Variants in SLC38A10 observed in about 807,000 individuals in gnomAD.
SLC38A10 encodes the protein solute carrier family 38 member 10.
SLC38A10 carries 53 observed loss-of-function variants against 81.0 expected under a neutral mutation model. The ratio of observed to expected loss-of-function variants is 0.65; its 90% confidence interval spans 0.53 to 0.82. The LOEUF (loss-of-function observed/expected upper bound fraction) is 0.82. Ranked by LOEUF, SLC38A10 falls within the 40% of genes least tolerant of loss-of-function variation. The pLI is 0.00. For missense variants in SLC38A10, 1,471 were observed against 1,545.0 expected (o/e 0.95, Z 0.80); for synonymous variants, 665 against 655.3 (o/e 1.01, Z -0.23).
intron 2 of SLC38A10, 26 bp from the exon 3 acceptor site, chr17:81,284,921 C>T: frequency 6.5e-7 from 1 of 1,540,728 alleles, no homozygotes; most frequent in Non-Finnish European, 8.8e-7. Flanking sequence ...AAGGAACACT[C>T]AATCCAACAG....
intron 14 of SLC38A10, chr17:81,247,533 T>A (rs2062863928): frequency 6.5e-6 from 1 of 153,052 alleles, no homozygotes; most frequent in African/African-American, 2.4e-5. Context: ...GACAAGCACG[T>A]AAGAAAATAA....
rs1162769498 is a variant in SLC38A10, at chr17:81,286,279, T to G, written c.218-1384A>C. Among the ~76,000 whole-genome samples, 1 of 152,168 alleles carries G rather than the reference T, an allele frequency of 6.6e-6. No homozygotes were observed. Among genetic ancestry groups the G allele is most frequent in the Non-Finnish European group, 1.5e-5 (1 of 68,014 alleles). Reference sequence around the variant, plus strand: ...GCATATTCCAAACACGAGCGCACCTTGCCCAAGAAGGTTCCGGAATATGCC... The same window carrying G: ...GCATATTCCAAACACGAGCGCACCTGGCCCAAGAAGGTTCCGGAATATGCC... On this transcript the variant is annotated intron_variant, in intron 2 of 15. Transcript: ENST00000374759. This position sits in a 1 kb window ranked among gnomAD's most constrained non-coding sequence, Gnocchi z 6.0.
At chr17:81,251,344 T>C in intron 14 of SLC38A10, 149 bp downstream of exon 14, 1 of 1,612,756 alleles carries the variant, frequency 6.2e-7, no homozygotes, top group East Asian at 2.2e-5. Flanking sequence ...AGCAGAAAGC[T>C]CTCCGAGGGG....
chr17:81,256,285 G>C (rs996269320), intron 11 of SLC38A10, among the ~76,000 whole-genome samples: 7 of 152,238 alleles, frequency 4.6e-5, no homozygotes, highest in African/African-American at 1.4e-4. Flanking sequence ...CATGCTCGGG[G>C]ACTTGGAGGT....
chr17:81,289,863 C>T lies in SLC38A10; in HGVS notation c.100-55G>A. On this transcript the variant is annotated intron_variant, in intron 1 of 15. Transcript: ENST00000374759. This position sits in a 1 kb window ranked among gnomAD's most constrained non-coding sequence, Gnocchi z 5.9. Reference sequence around the variant, plus strand: ...ACAGCAGCAGGTGCTCCCCAGAGGCCCTCACCCCACACACGCGGCTCATGA... The same window carrying T: ...ACAGCAGCAGGTGCTCCCCAGAGGCTCTCACCCCACACACGCGGCTCATGA... 9.8e-6 allele frequency: 14 copies of T among 1,426,682 alleles called. No homozygotes were observed. Among genetic ancestry groups the T allele is most frequent in the Non-Finnish European group, 1.3e-5 (14 of 1,055,364 alleles). The allele number at this position is 1,426,682 out of a possible 1,614,324, so 88.4% of individuals were successfully genotyped here.
rs1271125816 is a variant in SLC38A10 at position 81,245,550 on chromosome 17, C to G, written c.*6G>C. On this transcript the variant is annotated 3_prime_UTR_variant, in exon 16 of 16. Coordinates refer to ENST00000374759, the MANE Select transcript of SLC38A10 (RefSeq NM_001037984.3). ...TGGCTGGCGTGGCCCTCATGGCCAG[C>G]AGGTGCTAGGACTCCTCTGGAGGCC... 1.3e-6 allele frequency: 2 copies of G among 1,585,174 alleles called. No homozygotes were observed. Among genetic ancestry groups the G allele is most frequent in the African/African-American group, 2.7e-5 (2 of 74,262 alleles).
intron 8 of SLC38A10, among the ~76,000 whole-genome samples, chr17:81,274,137 G>A (rs150677405): frequency 1.3e-5 from 2 of 152,354 alleles, no homozygotes; most frequent in South Asian, 2.1e-4. Flanking sequence ...AGTTGGCCTG[G>A]CCAGATGCGC....
chr17:81,257,924 C>T (rs1330501042), intron 11 of SLC38A10, among the ~76,000 whole-genome samples: 3 of 152,236 alleles, frequency 2.0e-5, no homozygotes, highest in Non-Finnish European at 2.9e-5. Context: ...AAGAAAGGAA[C>T]AGATGTCACA....
intron 1 of SLC38A10, among the ~76,000 whole-genome samples, chr17:81,292,087 T>C (rs1386679430): frequency 6.6e-6 from 1 of 152,036 alleles, no homozygotes; most frequent in Non-Finnish European, 1.5e-5. Context: ...ATATAATCTA[T>C]ATAGATCTAT....
At chr17:81,294,720 A>C in intron 1 of SLC38A10, 103 bp downstream of exon 1, 1 of 1,072,620 alleles carries the variant, frequency 9.3e-7, no homozygotes, top group Non-Finnish European at 1.3e-6. Flanking sequence ...GCACCCGCCC[A>C]GCGAAGCCCT....
In SLC38A10 at chr17:81,245,782, G is replaced by C; in HGVS notation, c.3134C>G (p.Ala1045Gly). 6.3e-7 allele frequency: 1 copy of C among 1,599,890 alleles called. No homozygotes were observed. Among genetic ancestry groups the C allele is most frequent in the Non-Finnish European group, 8.5e-7 (1 of 1,169,988 alleles). Residue 1045 changes from alanine (A) to glycine (G), a missense_variant, in exon 16 of 16, where the codon GCT becomes GGT. By Grantham distance (60) the Ala-to-Gly change is moderately conservative. Around this residue, in one of 2 missense-constraint regions of SLC38A10, gnomAD observed 751 missense variants for 717.4 expected, o/e 1.05. Transcript: ENST00000374759. ...AKPNRDLKLQ[A>G]GSDLRRRRRD... Reference sequence around the variant, plus strand: ...CCGTCGCCTCCGGAGGTCGGAGCCAGCCTGCAGTTTCAGGTCCCGGTTGGG... The same window carrying C: ...CCGTCGCCTCCGGAGGTCGGAGCCACCCTGCAGTTTCAGGTCCCGGTTGGG...
In SLC38A10 at chr17:81,245,623, C is replaced by G. The variant is rs755571979; in HGVS notation, c.3293G>C (p.Gly1098Ala). 3 of 1,612,312 alleles carry G rather than the reference C, an allele frequency of 1.9e-6. No homozygotes were observed. The highest frequency in any genetic ancestry group is 2.2e-5 in the South Asian group (2 of 91,050). ...ALDAQLRQAA[G>A]GALQVVHSRQ... ...GCTGTGGACCACCTGCAGAGCTCCC[C>G]CCGCAGCCTGGCGGAGCTGGGCATC... Residue 1098 changes from glycine to alanine, a missense_variant, in exon 16 of 16, where the codon GGG becomes GCG. Around this residue, in one of 2 missense-constraint regions of SLC38A10, gnomAD observed 751 missense variants for 717.4 expected, o/e 1.05. Transcript: ENST00000374759.
intron 1 of SLC38A10, among the ~76,000 whole-genome samples, chr17:81,291,584 C>T (rs755189360): frequency 6.6e-6 from 1 of 152,070 alleles, no homozygotes; most frequent in African/African-American, 2.4e-5. Flanking sequence ...ACACGATACC[C>T]AATGCTACCG....
At position 81,253,476 on chromosome 17, in the gene SLC38A10, T is replaced by G. The variant is rs2062939289; in HGVS notation, c.1289-236A>C. Among the ~76,000 whole-genome samples, 1 of 152,032 alleles carries G rather than the reference T, an allele frequency of 6.6e-6. No homozygotes were observed. The highest frequency in any genetic ancestry group is 6.5e-5 in the Admixed American group (1 of 15,276). The stretch of plus-strand genomic sequence containing the variant: ...TAACTGGGGGCAGGGAGAACTAGAC[T>G]CCATGTAATACTCAGTCATTACCAC... On this transcript the variant is annotated intron_variant, in intron 11 of 15. Transcript: ENST00000374759. This position sits in a 1 kb window ranked among gnomAD's most constrained non-coding sequence, Gnocchi z 4.1.
rs146598954 is a variant in SLC38A10 at position 81,282,284 on chromosome 17, T to C, written c.406A>G (p.Ile136Val). 10,723 of 1,613,382 alleles carry C rather than the reference T, an allele frequency of 6.6e-3. 48 individuals are homozygous for C. The highest frequency in any genetic ancestry group is 7.3e-3 in the Non-Finnish European group (8,646 of 1,179,972). The stretch of plus-strand genomic sequence containing the variant: ...CGCTGCAGGCTGAGCGGGAGCACGA[T>C]GCACAGCGACACGGCGAACAGCAGG... The part of the protein sequence containing the change: ...MFLLFAVSLC[I>V]VLPLSLQRNM... The change falls in exon 5 of 16, where the codon ATC (isoleucine) becomes GTC (valine). Residue 136 changes from isoleucine to valine, a missense_variant. Physicochemically the swap from Ile to Val is conservative, Grantham distance 29. Around this residue, in one of 2 missense-constraint regions of SLC38A10, gnomAD observed 720 missense variants for 827.7 expected, o/e 0.87. Transcript: ENST00000374759.
intron 5 of SLC38A10, 39 bp downstream of exon 5, chr17:81,282,150 C>G (rs2063218051): frequency 1.2e-6 from 2 of 1,608,494 alleles, no homozygotes; most frequent in African/African-American, 2.7e-5. Context: ...GGGCCAGGAG[C>G]AGCCTTTCAG....
In SLC38A10 at chr17:81,289,578, C is replaced by A. The variant is rs954853884; in HGVS notation, c.217+113G>T. On this transcript the variant is annotated intron_variant, in intron 2 of 15. Coordinates refer to ENST00000374759, the MANE Select transcript of SLC38A10 (RefSeq NM_001037984.3). This position sits in a 1 kb window ranked among gnomAD's most constrained non-coding sequence, Gnocchi z 5.9. ...GCATTACATTTTAAAATAAAAAAAACCCTGCTATCCAAGGAATTCTTGAAG... is the reference window on the plus strand; with the variant it reads ...GCATTACATTTTAAAATAAAAAAAAACCTGCTATCCAAGGAATTCTTGAAG... The A allele has an allele frequency of 2.7e-6, 2 of 737,364 alleles. No individual in the cohort carries two copies. The highest frequency in any genetic ancestry group is 2.7e-5 in the South Asian group (1 of 36,768). 45.7% of individuals were successfully genotyped at this position (737,364 alleles called of 1,614,324 possible).
rs539264046 is a variant in SLC38A10 at position 81,281,948 on chromosome 17, C to T, written c.501+241G>A. ...GAAACCAGCCTCAGAGCCACCCCTG[C>T]CCTGAGCCCCAGCCTCTCCTGCCAG... On this transcript the variant is annotated intron_variant, in intron 5 of 15. Coordinates refer to ENST00000374759, the MANE Select transcript of SLC38A10 (RefSeq NM_001037984.3). This position sits in a 1 kb window ranked among gnomAD's most constrained non-coding sequence, Gnocchi z 5.3. Among the ~76,000 whole-genome samples the T allele has an allele frequency of 2.8e-4, 42 of 152,322 alleles. No homozygotes were observed. The Middle Eastern group carries it at 0.01, about 37-fold the overall frequency.
At chr17:81,254,816 G>A (rs986567534) in intron 11 of SLC38A10, among the ~76,000 whole-genome samples, 38 of 152,214 alleles carry the variant, frequency 2.5e-4, no homozygotes, top group African/African-American at 8.4e-4. Flanking sequence ...TCCATCACAC[G>A]ATTAGGCTTC....
Sources: gnomAD v4.1 joint callset for allele counts (sites outside exome capture counted in the v4.1 genomes callset) on GRCh38, gnomAD v4.1.1 for gene constraint, gnomAD v4.1.1 regional missense constraint, Gnocchi (gnomAD v3.1) non-coding constraint, MANE v1.5 for transcripts, NCBI Gene and HGNC (gene_info 2026-07-23, HGNC 2026-07-21) for gene names.